Variants in TOX2 observed in about 807,000 individuals in gnomAD.
The protein encoded by TOX2 is TOX high mobility group box family member 2, also known as granulosa cell HMG box 1.
A neutral mutation model predicts 47.4 loss-of-function variants in TOX2; 15 were observed. The ratio of observed to expected loss-of-function variants is 0.32; its 90% confidence interval spans 0.21 to 0.49. The LOEUF is 0.49. TOX2 is among the 20% of genes least tolerant of loss of function. The probability of loss-of-function intolerance (pLI) is 0.99; values close to 1 mark genes in which losing one functional copy is unlikely to be tolerated. For missense variants in TOX2, 622 were observed against 673.1 expected (o/e 0.92, Z 0.84); for synonymous variants, 290 against 296.6 (o/e 0.98, Z 0.23).
At chr20:43,928,691 A>G (rs557953424) in intron 1 of TOX2, among the ~76,000 whole-genome samples, 2 of 152,332 alleles carry the variant, frequency 1.3e-5, no homozygotes, top group East Asian at 1.9e-4. Context: ...TTTGCCTTCC[A>G]CATGCCAGCT....
chr20:43,986,299 T>A lies in TOX2; in HGVS notation c.165+12867T>A, dbSNP rs145474858. On this transcript the variant is annotated intron_variant, in intron 2 of 8. Transcript: ENST00000341197. ...TGTATGTATGTATGTGTGTATTTTT[T>A]GAGATGGAGTCTCACTCTGTCACCC... Among the ~76,000 whole-genome samples, 317 of 93,656 alleles carry A rather than the reference T, an allele frequency of 3.4e-3. 8 individuals carry two copies. The South Asian group carries it at 0.046, about 14-fold the overall frequency. The allele number at this position is 93,656 out of a possible 152,430, so 61.4% of individuals were successfully genotyped here. A position where few individuals can be genotyped will look rare whatever the true frequency, so the allele number is the denominator to read the frequency against.
intron 3 of TOX2, chr20:44,039,099 G>A (rs2071289965): frequency 2.3e-6 from 3 of 1,277,712 alleles, no homozygotes; most frequent in Non-Finnish European, 3.1e-6. Context: ...GTGCTGGGAG[G>A]CAGGTGTCTC....
chr20:43,965,284 C>T (rs758565323), intron 1 of TOX2, among the ~76,000 whole-genome samples: 3 of 152,152 alleles, frequency 2.0e-5, no homozygotes, highest in Non-Finnish European at 2.9e-5. Flanking sequence ...TGAGGATGAG[C>T]TTTAAGCTGG....
At chr20:44,014,822 A>C (rs2070848301) in intron 3 of TOX2, among the ~76,000 whole-genome samples, 1 of 151,960 alleles carries the variant, frequency 6.6e-6, no homozygotes, top group Non-Finnish European at 1.5e-5. Flanking sequence ...CTGCTTACCA[A>C]CTTTGTCGGG....
intron 2 of TOX2, among the ~76,000 whole-genome samples, chr20:43,984,672 G>T (rs1454221269): frequency 6.6e-6 from 1 of 152,160 alleles, no homozygotes; most frequent in Non-Finnish European, 1.5e-5. Context: ...CATTTATGGT[G>T]CCTCCCCTGT....
At chr20:43,976,392 A>G (rs1372718684) in intron 2 of TOX2, among the ~76,000 whole-genome samples, 1 of 152,180 alleles carries the variant, frequency 6.6e-6, no homozygotes, top group Non-Finnish European at 1.5e-5. Context: ...ACATGGTAGG[A>G]GAAGGGTTCC....
intron 3 of TOX2, among the ~76,000 whole-genome samples, chr20:44,044,715 T>C (rs1258599643): frequency 6.6e-6 from 1 of 152,128 alleles, no homozygotes; most frequent in Non-Finnish European, 1.5e-5. Context: ...GAAAACAGTA[T>C]GGTGGTTTCT....
intron 3 of TOX2, among the ~76,000 whole-genome samples, chr20:44,009,414 A>G (rs895900310): frequency 6.6e-6 from 1 of 152,222 alleles, no homozygotes; most frequent in Non-Finnish European, 1.5e-5. Flanking sequence ...AAAGAGTTCA[A>G]TGAAAATGGA....
intron 3 of TOX2, among the ~76,000 whole-genome samples, chr20:44,017,545 G>C (rs527739507): frequency 1.3e-5 from 2 of 152,314 alleles, no homozygotes; most frequent in Admixed American, 1.3e-4. Flanking sequence ...CATGGGGCCA[G>C]ATGCTTCACC....
intron 3 of TOX2, among the ~76,000 whole-genome samples, chr20:44,028,173 C>G (rs2071094097): frequency 6.6e-6 from 1 of 152,160 alleles, no homozygotes; most frequent in South Asian, 2.1e-4. Flanking sequence ...AGGTGGGGAG[C>G]CAGGGAAGGC....
At position 44,066,028 on chromosome 20, in the gene TOX2, C is replaced by A. The variant is rs1399920239; in HGVS notation, c.1277C>A (p.Ala426Asp). The change falls in exon 7 of 9, where the codon GCC becomes GAC. Residue 426 changes from alanine to aspartate, a missense_variant. This residue lies in a region of TOX2 where 294 missense variants were observed against 300.0 expected (regional missense o/e 0.98). Coordinates refer to ENST00000341197, the MANE Select transcript of TOX2 (RefSeq NM_001098797.2). ...LLSPPVSMSP[A>D]PQPPVLPTPM... ...AGTCCACCTGTTAGCATGTCCCCAG[C>A]CCCCCAGCCCCCTGTCCTGCCCACC... 1.2e-6 allele frequency: 2 copies of A among 1,601,986 alleles called. No homozygotes were observed. The highest frequency in any genetic ancestry group is 1.7e-5 in the Admixed American group (1 of 59,476).
At chr20:43,989,202 T>C (rs1281172215) in intron 2 of TOX2, among the ~76,000 whole-genome samples, 1 of 152,134 alleles carries the variant, frequency 6.6e-6, no homozygotes, top group African/African-American at 2.4e-5. Flanking sequence ...ACATTACAGA[T>C]TGAGAAGTGC....
chr20:44,022,185 AG>A (rs1305902021), intron 3 of TOX2, among the ~76,000 whole-genome samples: 1 of 152,074 alleles, frequency 6.6e-6, no homozygotes, highest in Admixed American at 6.5e-5. Context: ...CCCTGCTGAG[AG>A]GGGGGTCAGC....
intron 2 of TOX2, among the ~76,000 whole-genome samples, chr20:44,004,242 G>T (rs963040611): frequency 6.6e-6 from 1 of 152,176 alleles, no homozygotes; most frequent in African/African-American, 2.4e-5. Flanking sequence ...ACTGGGCATC[G>T]AGAGGCTCCG....
intron 1 of TOX2, among the ~76,000 whole-genome samples, chr20:43,963,640 A>G (rs1196440209): frequency 6.6e-6 from 1 of 152,224 alleles, no homozygotes; most frequent in Non-Finnish European, 1.5e-5. Context: ...GCAGAATACG[A>G]ATGTGCGTTG....
At chr20:43,951,422 A>C (rs1252992880) in intron 1 of TOX2, among the ~76,000 whole-genome samples, 3 of 151,972 alleles carry the variant, frequency 2.0e-5, no homozygotes, top group African/African-American at 7.2e-5. Flanking sequence ...TAAAAATACA[A>C]AAAAATTAGC....
chr20:43,969,924 C>A (rs1157981152), intron 1 of TOX2, among the ~76,000 whole-genome samples: 1 of 152,186 alleles, frequency 6.6e-6, no homozygotes, highest in Non-Finnish European at 1.5e-5. Context: ...CACTGCCCAC[C>A]CCCTTGCCTG....
At chr20:44,024,050 T>G (rs945977220) in intron 3 of TOX2, among the ~76,000 whole-genome samples, 2 of 152,248 alleles carry the variant, frequency 1.3e-5, no homozygotes, top group African/African-American at 2.4e-5. Context: ...CTTTATAAGA[T>G]GACTATTACA....
chr20:43,971,505 G>A (rs1358851179), intron 1 of TOX2, among the ~76,000 whole-genome samples: 2 of 152,222 alleles, frequency 1.3e-5, no homozygotes, highest in African/African-American at 4.8e-5. Flanking sequence ...ATGGTTGTGG[G>A]CGTGTGGATT....
Sources: gnomAD v4.1 joint callset for allele counts (sites outside exome capture counted in the v4.1 genomes callset) on GRCh38, gnomAD v4.1.1 for gene constraint, gnomAD v4.1.1 regional missense constraint, MANE v1.5 for transcripts, NCBI Gene and HGNC (gene_info 2026-07-23, HGNC 2026-07-21) for gene names.